NFIB: variants seen among roughly 807,000 people sequenced by gnomAD.
The protein encoded by NFIB is nuclear factor 1 B-type.
Under a neutral mutation model 61.5 loss-of-function variants are expected in NFIB, and 11 were observed. That is an observed-to-expected ratio of 0.18 (90% CI 0.11 to 0.30). The LOEUF is 0.30. NFIB is among the 10% of genes least tolerant of loss of function. The probability of loss-of-function intolerance (pLI) is 1.00; values close to 1 mark genes in which losing one functional copy is unlikely to be tolerated. For synonymous variants in NFIB, 260 were observed against 216.5 expected (o/e 1.20, Z -1.76); for missense variants, 471 against 608.9 (o/e 0.77, Z 2.38).
chr9:14,395,967 C>T (rs375730825), intron 1 of NFIB, among the ~76,000 whole-genome samples: 2 of 151,854 alleles, frequency 1.3e-5, no homozygotes, highest in African/African-American at 2.4e-5. Flanking sequence ...GTGTTGGCTG[C>T]GGAAGCCAGT....
the NFIB span, among the ~76,000 whole-genome samples, chr9:14,475,963 G>A: frequency 6.6e-6 from 1 of 151,980 alleles, no homozygotes; most frequent in Admixed American, 6.5e-5. Flanking sequence ...CAAAGGACCT[G>A]GACCATAAAA....
the NFIB span, among the ~76,000 whole-genome samples, chr9:14,409,685 G>T: frequency 1.3e-5 from 2 of 152,136 alleles, no homozygotes; most frequent in Admixed American, 6.5e-5. Flanking sequence ...AAGTTAAGTA[G>T]CTTCTTCCTC....
chr9:14,426,147 A>T, the NFIB span, among the ~76,000 whole-genome samples: 6 of 151,498 alleles, frequency 4.0e-5, no homozygotes, highest in East Asian at 1.2e-3. Flanking sequence ...ACTGTCACTC[A>T]AGAAGATTCT....
chr9:14,505,542 T>A, the NFIB span, among the ~76,000 whole-genome samples: 1 of 152,148 alleles, frequency 6.6e-6, no homozygotes, highest in African/African-American at 2.4e-5. Flanking sequence ...AACTGGGGAC[T>A]AGGGGCTGCT....
the NFIB span, among the ~76,000 whole-genome samples, chr9:14,515,603 A>G: frequency 2.6e-5 from 4 of 152,092 alleles, no homozygotes; most frequent in Non-Finnish European, 4.4e-5. Flanking sequence ...GGGCCCAGGA[A>G]TGTGAGTTTG....
intron 1 of NFIB, among the ~76,000 whole-genome samples, chr9:14,350,928 G>A (rs1259770144): frequency 2.0e-5 from 3 of 152,140 alleles, no homozygotes; most frequent in Non-Finnish European, 4.4e-5. Flanking sequence ...AGACCGCGGG[G>A]CAAAAGAAAG....
chr9:14,189,555 T>C (rs1332105236), intron 2 of NFIB, among the ~76,000 whole-genome samples: 6 of 151,244 alleles, frequency 4.0e-5, no homozygotes, highest in Non-Finnish European at 8.8e-5. Flanking sequence ...GATATATATA[T>C]TTAATGTTCT....
chr9:14,381,722 C>A (rs186299821), intron 1 of NFIB, among the ~76,000 whole-genome samples: 4 of 152,312 alleles, frequency 2.6e-5, no homozygotes. Context: ...ATTAAGGCAA[C>A]ATCAGGCAAG....
intron 2 of NFIB, among the ~76,000 whole-genome samples, chr9:14,270,276 A>T (rs2057499911): frequency 6.6e-6 from 1 of 152,126 alleles, no homozygotes; most frequent in Non-Finnish European, 1.5e-5. Context: ...ATTATTTATC[A>T]TTTCTTATTT....
rs563308881 is a variant in NFIB, at chr9:14,162,096, C to T, written c.617-6203G>A. Among the ~76,000 whole-genome samples, 7 of 152,070 alleles carry T rather than the reference C, an allele frequency of 4.6e-5. No homozygotes were observed. The South Asian group carries it at 1.2e-3, about 27-fold the overall frequency. ...TTTCTTTCACCAGAACATTAAGAAACAAAACATTTTAAAAATCAGAACATT... is the reference window on the plus strand; with the variant it reads ...TTTCTTTCACCAGAACATTAAGAAATAAAACATTTTAAAAATCAGAACATT... On this transcript the variant is annotated intron_variant, in intron 3 of 10. Coordinates refer to ENST00000380953, the MANE Select transcript of NFIB (RefSeq NM_001190737.2).
intron 1 of NFIB, among the ~76,000 whole-genome samples, chr9:14,383,920 A>G (rs1008627567): frequency 2.6e-5 from 4 of 152,180 alleles, no homozygotes; most frequent in African/African-American, 9.7e-5. Flanking sequence ...AGAGCGCTTT[A>G]AATACCATCG....
Position 14,085,302 on chromosome 9 carries a change from G to C in NFIB, c.*3007C>G, listed in dbSNP as rs981743477. On this transcript the variant is annotated 3_prime_UTR_variant, in exon 11 of 11. Transcript: ENST00000380953. ...CATGGCCTAGGGGAAGGGGGCCAGG[G>C]GACTCCTTAAGACAGCCTACCATGT... is the stretch of plus-strand genomic sequence containing the variant. The C allele has an allele frequency of 3.5e-5, 8 of 226,186 alleles. No homozygotes were observed. The Admixed American group carries it at 4.6e-4, about 13-fold the overall frequency. The allele number at this position is 226,186 out of a possible 1,614,324, so 14.0% of individuals were successfully genotyped here. A position where few individuals can be genotyped will look rare whatever the true frequency, so the allele number is the denominator to read the frequency against.
At chr9:14,357,263 C>G (rs981967525) in intron 1 of NFIB, 1 of 152,094 alleles carries the variant, frequency 6.6e-6, no homozygotes, top group African/African-American at 2.4e-5. Flanking sequence ...CTGCAAGTTT[C>G]CCAAACCCCA....
chr9:14,284,975 C>CATAA (rs760175248), intron 2 of NFIB, among the ~76,000 whole-genome samples: 13 of 152,140 alleles, frequency 8.5e-5, no homozygotes, highest in Non-Finnish European at 1.8e-4. Flanking sequence ...AGGTCTCCTA[C>CATAA]ATAAGCAGCA....
chr9:14,360,991 A>ATTAT (rs1393108622), intron 1 of NFIB, among the ~76,000 whole-genome samples: 30 of 152,320 alleles, frequency 2.0e-4, no homozygotes, highest in African/African-American at 6.3e-4. Context: ...TATTTCATTA[A>ATTAT]TTATTTTTAA....
intron 2 of NFIB, among the ~76,000 whole-genome samples, chr9:14,234,544 AT>A (rs2053543847): frequency 1.3e-5 from 2 of 151,770 alleles, no homozygotes; most frequent in South Asian, 4.2e-4. Flanking sequence ...TAATTTTTGT[AT>A]TTTTAGTAGA....
At chr9:14,192,359 T>C (rs747670942) in intron 2 of NFIB, among the ~76,000 whole-genome samples, 4 of 152,142 alleles carry the variant, frequency 2.6e-5, no homozygotes, top group Non-Finnish European at 5.9e-5. Flanking sequence ...TTGGATGATA[T>C]TATGCAAACT....
intron 2 of NFIB, among the ~76,000 whole-genome samples, chr9:14,202,695 AT>A (rs572038226): frequency 2.0e-5 from 3 of 152,282 alleles, no homozygotes; most frequent in Admixed American, 6.5e-5. Context: ...TATGTGTAGT[AT>A]TTTATATGGT....
intron 3 of NFIB, among the ~76,000 whole-genome samples, chr9:14,157,518 T>C (rs1563845157): frequency 2.0e-5 from 3 of 152,210 alleles, no homozygotes; most frequent in Non-Finnish European, 4.4e-5. Context: ...TATATATACA[T>C]TTTTAAGAGT....
Sources: allele counts gnomAD v4.1 joint callset (sites outside exome capture counted in the v4.1 genomes callset), GRCh38; gene constraint gnomAD v4.1.1; transcripts MANE v1.5; gene names NCBI Gene and HGNC (gene_info 2026-07-23, HGNC 2026-07-21).